Variants in SSH1 observed in about 807,000 individuals in gnomAD.
SSH1 encodes the protein protein phosphatase Slingshot homolog 1.
Under a neutral mutation model 79.7 loss-of-function variants are expected in SSH1, and 43 were observed. That is an observed-to-expected ratio of 0.54 (90% CI 0.42 to 0.70). The LOEUF (loss-of-function observed/expected upper bound fraction) is 0.70. Ranked by LOEUF, SSH1 falls within the 30% of genes least tolerant of loss-of-function variation. The probability of loss-of-function intolerance (pLI) is 0.00; values close to 1 mark genes in which losing one functional copy is unlikely to be tolerated. For synonymous variants in SSH1, 599 were observed against 538.3 expected (o/e 1.11, Z -1.56); for missense variants, 1,206 against 1,358.8 (o/e 0.89, Z 1.77).
chr12:108,789,174 G>A lies in SSH1; in HGVS notation c.1964C>T (p.Pro655Leu). Reference sequence around the variant, plus strand: ...GGCCTCAGGAGCCCCGCTGGCTGTAGGGTACATGCAGTCGGCACAGGATTT... The same window carrying A: ...GGCCTCAGGAGCCCCGCTGGCTGTAAGGTACATGCAGTCGGCACAGGATTT... ...SYKSCADCMY[P>L]TASGAPEASR... The change falls in exon 15 of 15, where the codon CCT becomes CTT. Residue 655 changes from proline to leucine, a missense_variant. Pro to Leu is a moderately conservative substitution (Grantham distance 98). Around this residue, in one of 5 missense-constraint regions of SSH1, gnomAD observed 709 missense variants for 730.6 expected, o/e 0.97. Transcript: ENST00000326495. 6.2e-7 allele frequency: 1 copy of A among 1,611,586 alleles called. No individual in the cohort carries two copies. The highest frequency in any genetic ancestry group is 8.5e-7 in the Non-Finnish European group (1 of 1,178,770).
At position 108,811,335 on chromosome 12, in the gene SSH1, T is replaced by TG; in HGVS notation, c.402-8dup. The stretch of plus-strand genomic sequence containing the variant: ...CCCAATGGTGCAGCTTTTACTGCGA[T>TG]GGGGGAGAGAAGACATGTGGAGTCA... On this transcript the variant is annotated splice_region_variant and splice_polypyrimidine_tract_variant and intron_variant, in intron 5 of 14. Coordinates refer to ENST00000326495, the MANE Select transcript of SSH1 (RefSeq NM_018984.4). The TG allele has an allele frequency of 6.2e-7, 1 of 1,614,102 alleles. No homozygotes were observed. Among genetic ancestry groups the TG allele is most frequent in the Non-Finnish European group, 8.5e-7 (1 of 1,179,942 alleles).
intron 12 of SSH1, among the ~76,000 whole-genome samples, chr12:108,800,217 A>G (rs2036929848): frequency 6.6e-6 from 1 of 152,218 alleles, no homozygotes; most frequent in African/African-American, 2.4e-5. Flanking sequence ...GCAGGGGAAT[A>G]AAATGAGCAC....
chr12:108,793,984 A>G (rs1051529639), intron 13 of SSH1, among the ~76,000 whole-genome samples: 1 of 152,098 alleles, frequency 6.6e-6, no homozygotes, highest in South Asian at 2.1e-4. Flanking sequence ...AGGCTCAGGG[A>G]GAGGTCAGTG....
intron 3 of SSH1, among the ~76,000 whole-genome samples, chr12:108,820,489 C>G (rs566434612): frequency 6.6e-6 from 1 of 152,298 alleles, no homozygotes; most frequent in South Asian, 2.1e-4. Context: ...AAAACAAACC[C>G]CTGTCTGATA....
intron 13 of SSH1, among the ~76,000 whole-genome samples, chr12:108,794,301 C>T (rs545156943): frequency 3.7e-4 from 57 of 152,322 alleles, no homozygotes; most frequent in Non-Finnish European, 5.4e-4. Context: ...ACTGGAACTA[C>T]GGTGAGGACC....
At chr12:108,801,040 T>C (rs981298983) in intron 11 of SSH1, 114 bp from the exon 12 acceptor site, 94 of 1,095,210 alleles carry the variant, frequency 8.6e-5, no homozygotes, top group South Asian at 1.7e-4. Flanking sequence ...CCAAGGGTCA[T>C]ATGTTCGTGG....
chr12:108,829,820 AG>A (rs1364548090), intron 2 of SSH1, among the ~76,000 whole-genome samples: 1 of 152,104 alleles, frequency 6.6e-6, no homozygotes, highest in Non-Finnish European at 1.5e-5. Context: ...AGTTCCAGGG[AG>A]CTGGGCATGG....
intron 3 of SSH1, among the ~76,000 whole-genome samples, chr12:108,820,611 C>G (rs576072593): frequency 6.6e-6 from 1 of 152,246 alleles, no homozygotes; most frequent in Middle Eastern, 3.4e-3. Flanking sequence ...GTCTGACATC[C>G]ACACACAAAA....
intron 13 of SSH1, among the ~76,000 whole-genome samples, chr12:108,794,959 CTA>C (rs1292210289): frequency 3.3e-5 from 5 of 152,152 alleles, no homozygotes; most frequent in East Asian, 1.9e-4. Context: ...GCTCTATTGT[CTA>C]TGTTATGCAA....
chr12:108,799,084 T>C lies in SSH1; in HGVS notation c.1265A>G (p.Tyr422Cys). ...CGTGATGCTGCGCTTCTGCTTTACA[T>C]AGTTATATGCTTTTTCCAGAGGCCA... ...FGWPLEKAYNYVKQKRSITRP... is the reference protein window; with the variant it reads ...FGWPLEKAYNCVKQKRSITRP... Residue 422 changes from tyrosine (Y) to cysteine (C), a missense_variant, in exon 13 of 15, where the codon TAT becomes TGT. Tyr to Cys is a radical substitution (Grantham distance 194). This residue lies in a region of SSH1 where 166 missense variants were observed against 262.9 expected (regional missense o/e 0.63). Transcript: ENST00000326495. 2 of 1,614,184 alleles carry C rather than the reference T, an allele frequency of 1.2e-6. No homozygotes were observed. Among genetic ancestry groups the C allele is most frequent in the South Asian group, 1.1e-5 (1 of 91,092 alleles).
Position 108,779,350 on chromosome 12 carries a change from A to G in SSH1, c.*8638T>C, listed in dbSNP as rs1260835444. ...GCCTTTGGAGCAAGAAGTGGGTCCA[A>G]TTTCCCAGGGGCTGGGGGCTTCATC... is the stretch of plus-strand genomic sequence containing the variant. On this transcript the variant is annotated 3_prime_UTR_variant, in exon 15 of 15. Transcript: ENST00000326495. 1 of 152,180 alleles carries G rather than the reference A, an allele frequency of 6.6e-6. No individual in the cohort carries two copies. The highest frequency in any genetic ancestry group is 1.5e-5 in the Non-Finnish European group (1 of 68,044). The allele number at this position is 152,180 out of a possible 1,614,324, so 9.4% of individuals were successfully genotyped here.
rs754774751 is a variant in SSH1 at position 108,789,272 on chromosome 12, G to T, written c.1894-28C>A. 22 of 1,574,758 alleles carry T rather than the reference G, an allele frequency of 1.4e-5. No individual in the cohort carries two copies. The East Asian group carries it at 2.3e-4, about 16-fold the overall frequency. ...GCAAGGAAGGGGACAAGAGCATGGT[G>T]AGACGGTGCAGTCATGAGCCAAAGA... is the stretch of plus-strand genomic sequence containing the variant. On this transcript the variant is annotated intron_variant, in intron 14 of 14. Transcript: ENST00000326495.
Position 108,824,757 on chromosome 12 carries a change from CAA to C in SSH1, c.111-1398_111-1397del, listed in dbSNP as rs562290650. Among the ~76,000 whole-genome samples the C allele has an allele frequency of 1.3e-3, 200 of 152,284 alleles. 1 individual carries two copies. Among genetic ancestry groups the C allele is most frequent in the Non-Finnish European group, 2.4e-3 (164 of 68,010 alleles). Reference sequence around the variant, plus strand: ...AACGTTGTGAGACCCCGTCGTACATCAAAAGTTTTTATTTTTAATTTCACTTT... The same window carrying C: ...AACGTTGTGAGACCCCGTCGTACATCAAGTTTTTATTTTTAATTTCACTTT... On this transcript the variant is annotated intron_variant, in intron 2 of 14. Coordinates refer to ENST00000326495, the MANE Select transcript of SSH1 (RefSeq NM_018984.4).
In SSH1 at chr12:108,799,014, G is replaced by T. The variant is rs1306226296; in HGVS notation, c.1335C>A (p.Gly445=). The change falls in exon 13 of 15, where the codon GGC becomes GGA. Residue 445 remains glycine, a synonymous_variant. Coordinates refer to ENST00000326495, the MANE Select transcript of SSH1 (RefSeq NM_018984.4). ...GFMRQLSEYE[G]ILDASKQRHN... is the part of the protein sequence containing the mutation. Reference sequence around the variant, plus strand: ...CAGGCACCCACCTTGCATCCAAGATGCCTTCATACTCAGACAGCTGCCTCA... The same window carrying T: ...CAGGCACCCACCTTGCATCCAAGATTCCTTCATACTCAGACAGCTGCCTCA... 1 of 1,613,412 alleles carries T rather than the reference G, an allele frequency of 6.2e-7. No individual in the cohort carries two copies. Among genetic ancestry groups the T allele is most frequent in the South Asian group, 1.1e-5 (1 of 91,074 alleles).
Position 108,792,686 on chromosome 12 carries a change from G to A in SSH1, c.1493C>T (p.Ala498Val). Residue 498 changes from alanine (A) to valine (V), a missense_variant, in exon 14 of 15, where the codon GCC becomes GTC. Coordinates refer to ENST00000326495, the MANE Select transcript of SSH1 (RefSeq NM_018984.4). ...PESQLPFLDD[A>V]AQPGLGPPLP... ...GGGGGGCCCTAAGCCGGGCTGGGCGGCATCATCCAAGAAGGGCAGCTGGCT... is the reference window on the plus strand; with the variant it reads ...GGGGGGCCCTAAGCCGGGCTGGGCGACATCATCCAAGAAGGGCAGCTGGCT... 1 of 1,612,618 alleles carries A rather than the reference G, an allele frequency of 6.2e-7. No homozygotes were observed. The highest frequency in any genetic ancestry group is 1.3e-5 in the African/African-American group (1 of 75,054).
At chr12:108,834,063 T>C (rs751349603) in intron 2 of SSH1, 3 of 152,270 alleles carry the variant, frequency 2.0e-5, no homozygotes, top group Non-Finnish European at 2.9e-5. Flanking sequence ...TTAGCCATTG[T>C]ATGTCGTTAA....
intron 12 of SSH1, 52 bp downstream of exon 12, chr12:108,800,728 C>T (rs1301441286): frequency 3.1e-6 from 5 of 1,611,180 alleles, no homozygotes; most frequent in Non-Finnish European, 4.2e-6. Flanking sequence ...TCCCACTCTC[C>T]CAGCCTCAGC....
rs1024022892 is a variant in SSH1, at chr12:108,784,774, T to C, written c.*3214A>G. On this transcript the variant is annotated 3_prime_UTR_variant, in exon 15 of 15. Coordinates refer to ENST00000326495, the MANE Select transcript of SSH1 (RefSeq NM_018984.4). Reference sequence around the variant, plus strand: ...TCAGTCTAACTTTTGGCATGCCACATGAATTAATGTGAGGCAGAAGATAAG... The same window carrying C: ...TCAGTCTAACTTTTGGCATGCCACACGAATTAATGTGAGGCAGAAGATAAG... 6.6e-6 allele frequency: 1 copy of C among 152,326 alleles called. No homozygotes were observed. Among genetic ancestry groups the C allele is most frequent in the East Asian group, 1.9e-4 (1 of 5,192 alleles). The allele number at this position is 152,326 out of a possible 1,614,324, so 9.4% of individuals were successfully genotyped here. A position where few individuals can be genotyped will look rare whatever the true frequency, so the allele number is the denominator to read the frequency against.
chr12:108,794,176 CCAA>C (rs2036639951), intron 13 of SSH1, among the ~76,000 whole-genome samples: 1 of 152,246 alleles, frequency 6.6e-6, no homozygotes, highest in Non-Finnish European at 1.5e-5. Context: ...TGGCTTCCTT[CCAA>C]CACCAGACTG....
Sources: allele counts gnomAD v4.1 joint callset (sites outside exome capture counted in the v4.1 genomes callset), GRCh38; gene constraint gnomAD v4.1.1; regional missense constraint gnomAD v4.1.1; transcripts MANE v1.5; gene names NCBI Gene and HGNC (gene_info 2026-07-23, HGNC 2026-07-21).